Variants in ZNF536 observed in about 807,000 individuals in gnomAD.
ZNF536 encodes zinc finger protein 536.
ZNF536 carries 13 observed loss-of-function variants against 84.5 expected under a neutral mutation model. The observed-to-expected ratio is 0.15, with a 90% CI of 0.10 to 0.24. The LOEUF is 0.24. Among genes scored for constraint, ZNF536 ranks in the 10% least tolerant of loss-of-function variants. The probability of loss-of-function intolerance (pLI) is 1.00; values close to 1 mark genes in which losing one functional copy is unlikely to be tolerated. For missense variants in ZNF536, 1,536 were observed against 1,747.5 expected, an observed-to-expected ratio of 0.88 and a Z score of 2.16; for synonymous variants, 811 against 742.5, an observed-to-expected ratio of 1.09 and a Z score of -1.50.
At chr19:30,289,745 T>G (rs2045770838) in intron 2 of ZNF536, among the ~76,000 whole-genome samples, 1 of 152,238 alleles carries the variant, frequency 6.6e-6, no homozygotes, top group Non-Finnish European at 1.5e-5. Context: ...CCCGCTCATT[T>G]TTTAGGGGTG....
At chr19:30,304,721 G>T (rs2046295418) in intron 2 of ZNF536, among the ~76,000 whole-genome samples, 1 of 152,192 alleles carries the variant, frequency 6.6e-6, no homozygotes, top group Admixed American at 6.5e-5. Context: ...TGAGGGGAGA[G>T]GGCTGTGGCT....
At chr19:30,226,333 CT>C (rs1447082878), upstream of ZNF536, among the ~76,000 whole-genome samples, 1 of 152,164 alleles carries the variant, frequency 6.6e-6, no homozygotes, top group Non-Finnish European at 1.5e-5. This position sits in a 1 kb window ranked among gnomAD's most constrained non-coding sequence, Gnocchi z 4.6. Flanking sequence ...TGCGCTCTTT[CT>C]CTGGTCCGCG....
At chr19:30,512,713 T>C (rs1054549442) in intron 2 of ZNF536, among the ~76,000 whole-genome samples, 1 of 152,142 alleles carries the variant, frequency 6.6e-6, no homozygotes, top group African/African-American at 2.4e-5. Flanking sequence ...TAATCTAAAA[T>C]TTCATTAAGT....
At chr19:30,611,891 G>T (rs571646742) in intron 1 of ZNF536, among the ~76,000 whole-genome samples, 2 of 152,286 alleles carry the variant, frequency 1.3e-5, no homozygotes, top group African/African-American at 4.8e-5. Context: ...CTTTGGACTT[G>T]GTTTTCAAAA....
At chr19:30,338,078 A>T (rs192744675) in intron 2 of ZNF536, among the ~76,000 whole-genome samples, 1 of 150,198 alleles carries the variant, frequency 6.7e-6, no homozygotes, top group Non-Finnish European at 1.5e-5. Flanking sequence ...TAATGATGAT[A>T]TGATGATAAT....
chr19:30,568,286 C>T (rs2046422858), intron 1 of ZNF536, among the ~76,000 whole-genome samples: 1 of 152,084 alleles, frequency 6.6e-6, no homozygotes, highest in Non-Finnish European at 1.5e-5. Flanking sequence ...GGAAAGTACC[C>T]AGAGGTTGGG....
At chr19:30,546,678 C>A (rs553461752) in intron 3 of ZNF536, among the ~76,000 whole-genome samples, 1 of 152,304 alleles carries the variant, frequency 6.6e-6, no homozygotes, top group Non-Finnish European at 1.5e-5. Context: ...TTAGATCAGT[C>A]TATTTTACAA....
At chr19:30,409,004 G>A (rs1309536225) in intron 1 of ZNF536, among the ~76,000 whole-genome samples, 1 of 134,090 alleles carries the variant, frequency 7.5e-6, no homozygotes, top group Non-Finnish European at 1.6e-5. Context: ...TCATCCATTG[G>A]TCCATCCATC....
chr19:30,363,133 T>C (rs556281929), intron 3 of ZNF536, among the ~76,000 whole-genome samples: 2 of 151,708 alleles, frequency 1.3e-5, no homozygotes, highest in South Asian at 4.2e-4. Flanking sequence ...GTGCAGCAGG[T>C]CTTTATGACG....
intron 1 of ZNF536, among the ~76,000 whole-genome samples, chr19:30,643,917 T>C (rs1362356248): frequency 6.6e-6 from 1 of 152,210 alleles, no homozygotes; most frequent in African/African-American, 2.4e-5. Context: ...AAATTCAATT[T>C]GAATCAAAAA....
chr19:30,467,803 T>G (rs893721493), intron 2 of ZNF536, among the ~76,000 whole-genome samples: 2 of 152,362 alleles, frequency 1.3e-5, no homozygotes, highest in East Asian at 1.9e-4. Context: ...TGCTCAGACC[T>G]TAAGCCACTG....
chr19:30,314,702 G>C (rs1374000772), intron 2 of ZNF536, among the ~76,000 whole-genome samples: 3 of 152,080 alleles, frequency 2.0e-5, no homozygotes, highest in African/African-American at 7.2e-5. Flanking sequence ...CCTCACTCCA[G>C]GGGCCTGGGC....
At chr19:30,337,957 C>A (rs775573555) in intron 2 of ZNF536, among the ~76,000 whole-genome samples, 2 of 150,286 alleles carry the variant, frequency 1.3e-5, no homozygotes, top group Non-Finnish European at 3.0e-5. Flanking sequence ...TAATGGTGAT[C>A]GTGATGGTGA....
At chr19:30,550,542 C>T (rs140400642) in intron 4 of ZNF536, among the ~76,000 whole-genome samples, 4 of 151,066 alleles carry the variant, frequency 2.6e-5, no homozygotes, top group African/African-American at 9.7e-5. Flanking sequence ...TTTTACTTCA[C>T]CTGTGGAAGG....
Position 30,361,945 on chromosome 19 carries a change from G to T in ZNF536, c.-3+9461G>T, listed in dbSNP as rs138224679. ...TTCAGAGGTCGAGAGCTGTGAGGCC[G>T]TGCATTAGGTCAGCTTTGCAAATAG... On this transcript the variant is annotated intron_variant, in intron 3 of 5. Coordinates refer to the ZNF536 transcript ENST00000585628. Among the ~76,000 whole-genome samples, 801 of 152,254 alleles carry T rather than the reference G, an allele frequency of 5.3e-3. 10 individuals are homozygous for T. The highest frequency in any genetic ancestry group is 0.019 in the African/African-American group (775 of 41,516).
In ZNF536 at chr19:30,445,139, TCATGGCCAGGGG is replaced by T; in HGVS notation, c.1586_1597del (p.Arg529_Ala532del). 1 of 1,613,994 alleles carries T rather than the reference TCATGGCCAGGGG, an allele frequency of 6.2e-7. No homozygotes were observed. Among genetic ancestry groups the T allele is most frequent in the Non-Finnish European group, 8.5e-7 (1 of 1,180,010 alleles). On this transcript the variant is annotated inframe_deletion, in exon 2 of 5. Transcript: ENST00000355537. The surrounding 1 kb of genome is among the most constrained non-coding windows in gnomAD (Gnocchi z 4.5). ...GTGAACAGCTACCAGGCTTGGCAGC[TCATGGCCAGGGG>T]CATGGCCATGGAACATGGCTTCTTG...
At chr19:30,234,397 C>CTTTTTTTTTTTTT (rs5827694) in intron 1 of ZNF536, among the ~76,000 whole-genome samples, 1 of 82,394 alleles carries the variant, frequency 1.2e-5, no homozygotes, top group Admixed American at 1.7e-4. Context: ...AGGCTCCTTC[C>CTTTTTTTTTTTTT]TTTTTTTTTT....
chr19:30,443,901 C>A lies in ZNF536; in HGVS notation c.339C>A (p.Ile113=), dbSNP rs201200479. The stretch of plus-strand genomic sequence containing the variant: ...TCCTCAACGGGCAGAACCTGGGCAT[C>A]ATGTCCCAGATGAGCGACATCGAGG... ...QQFLNGQNLG[I]MSQMSDIEDD... is the part of the protein sequence containing the mutation. Residue 113 remains isoleucine (I), a synonymous_variant, in exon 2 of 5, where the codon ATC becomes ATA. Coordinates refer to ENST00000355537, the MANE Select transcript of ZNF536 (RefSeq NM_014717.3). The A allele has an allele frequency of 9.3e-6, 15 of 1,613,674 alleles. No homozygotes were observed. Among genetic ancestry groups the A allele is most frequent in the Middle Eastern group, 1.6e-4 (1 of 6,062 alleles).
intron 1 of ZNF536, among the ~76,000 whole-genome samples, chr19:30,639,233 C>G (rs886947505): frequency 3.3e-5 from 5 of 152,152 alleles, no homozygotes; most frequent in African/African-American, 7.2e-5. Context: ...ATGTGAACCA[C>G]CCACGTCATT....
Sources: allele counts gnomAD v4.1 joint callset (sites outside exome capture counted in the v4.1 genomes callset), GRCh38; gene constraint gnomAD v4.1.1; non-coding constraint Gnocchi (gnomAD v3.1); transcripts MANE v1.5; gene names NCBI Gene and HGNC (gene_info 2026-07-23, HGNC 2026-07-21).